SORCS3: variants seen among roughly 807,000 people sequenced by gnomAD.
SORCS3 encodes the protein sortilin related VPS10 domain containing receptor 3.
A neutral mutation model predicts 146.3 loss-of-function variants in SORCS3; 57 were observed. That is an observed-to-expected ratio of 0.39 (90% CI 0.31 to 0.49). The LOEUF is 0.49. SORCS3 is among the 20% of genes least tolerant of loss of function. The pLI, the probability that SORCS3 is intolerant of heterozygous loss-of-function variation, is 0.92. For synonymous variants in SORCS3, 653 were observed against 618.5 expected (o/e 1.06, Z -0.83); for missense variants, 1,341 against 1,575.5 (o/e 0.85, Z 2.52).
intron 7 of SORCS3, among the ~76,000 whole-genome samples, chr10:105,129,327 T>TTCTTTC (rs2055999140): frequency 1.2e-5 from 1 of 86,402 alleles, no homozygotes; most frequent in Non-Finnish European, 2.5e-5. Flanking sequence ...CTTTCTTTCT[T>TTCTTTC]TCTCTTTTTT....
intron 2 of SORCS3, among the ~76,000 whole-genome samples, chr10:104,843,155 A>C (rs1306260129): frequency 6.6e-6 from 1 of 152,172 alleles, no homozygotes; most frequent in Non-Finnish European, 1.5e-5. Flanking sequence ...TCAGATAAAC[A>C]TGCACGAGTA....
At chr10:104,825,273 C>G (rs1215392540) in intron 1 of SORCS3, among the ~76,000 whole-genome samples, 2 of 152,176 alleles carry the variant, frequency 1.3e-5, no homozygotes, top group African/African-American at 4.8e-5. Flanking sequence ...TTTAGCTGAT[C>G]CTCACAACAA....
intron 21 of SORCS3, 55 bp from the exon 22 acceptor site, chr10:105,247,164 C>T (rs2056871282): frequency 7.1e-6 from 7 of 982,184 alleles, no homozygotes; most frequent in Non-Finnish European, 1.1e-5. Flanking sequence ...ACACCTGTCA[C>T]ACCCTCTCTC....
chr10:105,011,282 A>G (rs575015410), intron 4 of SORCS3, among the ~76,000 whole-genome samples: 1 of 152,310 alleles, frequency 6.6e-6, no homozygotes, highest in East Asian at 1.9e-4. Flanking sequence ...AACCACCATC[A>G]TGATATGGAA....
intron 17 of SORCS3, among the ~76,000 whole-genome samples, chr10:105,212,480 T>C (rs2056639673): frequency 6.6e-6 from 1 of 152,190 alleles, no homozygotes; most frequent in Non-Finnish European, 1.5e-5. Flanking sequence ...AAGCTGAATG[T>C]GATTGCAGGT....
chr10:105,053,911 T>C (rs550147885), intron 5 of SORCS3, among the ~76,000 whole-genome samples: 13 of 152,212 alleles, frequency 8.5e-5, no homozygotes, highest in African/African-American at 2.9e-4. Flanking sequence ...CCAAACTATA[T>C]ATATAAAAAT....
chr10:104,921,367 C>G (rs1436720265), intron 3 of SORCS3, among the ~76,000 whole-genome samples: 1 of 152,158 alleles, frequency 6.6e-6, no homozygotes, highest in Non-Finnish European at 1.5e-5. Context: ...TCTAATTACT[C>G]TGGCTCCAAA....
intron 4 of SORCS3, among the ~76,000 whole-genome samples, chr10:104,983,471 A>G (rs1056912353): frequency 6.6e-6 from 1 of 152,192 alleles, no homozygotes; most frequent in Admixed American, 6.6e-5. Context: ...GGCAGGCAAC[A>G]GTACCTTTCC....
At chr10:104,789,924 T>G (rs1158898476) in intron 1 of SORCS3, among the ~76,000 whole-genome samples, 2 of 152,198 alleles carry the variant, frequency 1.3e-5, no homozygotes, top group African/African-American at 4.8e-5. Flanking sequence ...GTTGGATAAT[T>G]CAGGACTTTC....
At chr10:104,975,960 A>C (rs1439152623) in intron 3 of SORCS3, among the ~76,000 whole-genome samples, 2 of 152,224 alleles carry the variant, frequency 1.3e-5, no homozygotes, top group Non-Finnish European at 2.9e-5. Flanking sequence ...TAAAAACCCT[A>C]GAAGAAAACC....
At chr10:105,032,107 G>A (rs773453770) in intron 4 of SORCS3, among the ~76,000 whole-genome samples, 4 of 152,238 alleles carry the variant, frequency 2.6e-5, no homozygotes, top group East Asian at 3.9e-4. Flanking sequence ...CAGGAGAACC[G>A]CTTGAAACCG....
chr10:105,147,660 C>G lies in SORCS3; in HGVS notation c.1346C>G (p.Ala449Gly), dbSNP rs759288838. The G allele has an allele frequency of 6.2e-7, 1 of 1,612,734 alleles. No homozygotes were observed. Among genetic ancestry groups the G allele is most frequent in the South Asian group, 1.1e-5 (1 of 91,006 alleles). ...ACAGACGAGAACCAAGTATTTGCTG[C>G]GGTCCAAGAATGGAACCAGAACGAC... ...ISTDENQVFA[A>G]VQEWNQNDTY... is the part of the protein sequence containing the mutation. The change falls in exon 9 of 27, where the codon GCG (alanine) becomes GGG (glycine). Residue 449 changes from alanine to glycine, a missense_variant. Physicochemically the swap from Ala to Gly is moderately conservative, Grantham distance 60. Transcript: ENST00000369701.
At chr10:105,071,349 C>T (rs910467776) in intron 5 of SORCS3, among the ~76,000 whole-genome samples, 6 of 152,336 alleles carry the variant, frequency 3.9e-5, no homozygotes, top group East Asian at 3.9e-4. Context: ...ATGAAGCACA[C>T]GAGCTTCCTG....
intron 1 of SORCS3, among the ~76,000 whole-genome samples, chr10:104,774,851 T>C (rs2017290980): frequency 6.6e-6 from 1 of 152,138 alleles, no homozygotes; most frequent in South Asian, 2.1e-4. Flanking sequence ...ATTTCCAGAG[T>C]CCCTCTCAGC....
chr10:104,695,957 A>G (rs1340576103), intron 1 of SORCS3, among the ~76,000 whole-genome samples: 1 of 144,004 alleles, frequency 6.9e-6, no homozygotes, highest in Non-Finnish European at 1.5e-5. Context: ...TATATATATT[A>G]TATACACATA....
intron 1 of SORCS3, among the ~76,000 whole-genome samples, chr10:104,785,070 A>G (rs1315434363): frequency 6.7e-6 from 1 of 150,082 alleles, no homozygotes; most frequent in Non-Finnish European, 1.5e-5. Flanking sequence ...CTGGCCGGGC[A>G]GGGGGGCTGA....
At chr10:105,010,720 C>CTTT (rs35535851) in intron 4 of SORCS3, among the ~76,000 whole-genome samples, 2 of 147,276 alleles carry the variant, frequency 1.4e-5, no homozygotes. Context: ...AGCATAGTTT[C>CTTT]TTTTTTTTTT....
chr10:105,072,022 A>G (rs2055559466), intron 5 of SORCS3, among the ~76,000 whole-genome samples: 1 of 152,234 alleles, frequency 6.6e-6, no homozygotes, highest in Non-Finnish European at 1.5e-5. Context: ...CTCTGAATTC[A>G]TGAGCGCTAC....
intron 4 of SORCS3, among the ~76,000 whole-genome samples, chr10:105,000,747 C>A (rs1200580338): frequency 1.3e-5 from 2 of 152,146 alleles, no homozygotes; most frequent in East Asian, 3.8e-4. Flanking sequence ...TAGTGGCCAA[C>A]ATATTGGAGG....
Sources: gnomAD v4.1 joint callset for allele counts (sites outside exome capture counted in the v4.1 genomes callset) on GRCh38, gnomAD v4.1.1 for gene constraint, MANE v1.5 for transcripts, NCBI Gene and HGNC (gene_info 2026-07-23, HGNC 2026-07-21) for gene names.